The following MCF2L variants were observed in gnomAD, a reference collection of about 807,000 sequenced individuals.
The protein encoded by MCF2L is MCF.2 cell line derived transforming sequence like.
A neutral mutation model predicts 153.4 loss-of-function variants in MCF2L; 97 were observed. The ratio of observed to expected loss-of-function variants is 0.63; its 90% CI spans 0.54 to 0.75. MCF2L has a LOEUF of 0.75. Ranked by LOEUF, MCF2L falls within the 30% of genes least tolerant of loss-of-function variation. The pLI, the probability that MCF2L is intolerant of heterozygous loss-of-function variation, is 0.00. For synonymous variants in MCF2L, 659 were observed against 632.2 expected (o/e 1.04, Z -0.64); for missense variants, 1,347 against 1,495.2 (o/e 0.90, Z 1.64).
In MCF2L at chr13:113,030,305, ACGCCCGG is replaced by A. The variant is rs1566765888; in HGVS notation, c.278+5548_278+5554del. Among the ~76,000 whole-genome samples, 871 of 102,350 alleles carry A rather than the reference ACGCCCGG, an allele frequency of 8.5e-3. 26 individuals are homozygous for A. The highest frequency in any genetic ancestry group is 0.02 in the East Asian group (56 of 2,836). 67.1% of individuals were successfully genotyped at this position (102,350 alleles called of 152,430 possible). A position where few individuals can be genotyped will look rare whatever the true frequency, so the allele number is the denominator to read the frequency against. ...GGTGTGGGCCCTCGGGTGTCCGCCG[ACGCCCGG>A]TGTGGACCCTCAGGTGTCTGCCGAC... On this transcript the variant is annotated intron_variant, in intron 3 of 29. Coordinates refer to ENST00000535094, the MANE Select transcript of MCF2L (RefSeq NM_001112732.3).
chr13:113,089,969 G>A, intron 26 of MCF2L: 7 of 1,597,854 alleles, frequency 4.4e-6, no homozygotes, highest in Non-Finnish European at 6.0e-6. Flanking sequence ...GGCCGAGCGT[G>A]CAACCCGGAG....
At chr13:113,077,825 C>A (rs555360468) in intron 13 of MCF2L, among the ~76,000 whole-genome samples, 2 of 152,348 alleles carry the variant, frequency 1.3e-5, no homozygotes, top group Non-Finnish European at 2.9e-5. Flanking sequence ...ACACACGAAC[C>A]CACCAGGCGA....
In MCF2L at chr13:113,078,745, T is replaced by C. The variant is rs1238244173; in HGVS notation, c.1808+6T>C. ...AGCCTGGCCATCCTGCGCAGGTGGG[T>C]GCGCTGCCCTTCTGTCCTCACAGGG... is the stretch of plus-strand genomic sequence containing the variant. On this transcript the variant is annotated splice_donor_region_variant and intron_variant, in intron 15 of 29. Transcript: ENST00000535094. 1 of 1,593,870 alleles carries C rather than the reference T, an allele frequency of 6.3e-7. No individual in the cohort carries two copies. The highest frequency in any genetic ancestry group is 1.7e-5 in the Admixed American group (1 of 58,548).
intron 21 of MCF2L, among the ~76,000 whole-genome samples, chr13:113,086,622 G>A (rs2034660236): frequency 6.6e-6 from 1 of 152,194 alleles, no homozygotes; most frequent in Non-Finnish European, 1.5e-5. Flanking sequence ...TTTGCAGGCT[G>A]GTGACTTAGA....
chr13:113,002,339 G>A (rs779960097), intron 1 of MCF2L, among the ~76,000 whole-genome samples: 9 of 152,234 alleles, frequency 5.9e-5, no homozygotes, highest in African/African-American at 9.6e-5. Context: ...TCCTTTGTTC[G>A]AGGTTTTTCA....
intron 4 of MCF2L, among the ~76,000 whole-genome samples, chr13:113,048,397 C>A (rs1259613129): frequency 6.6e-6 from 1 of 151,206 alleles, no homozygotes; most frequent in Non-Finnish European, 1.5e-5. Flanking sequence ...CCAGAATTCT[C>A]TCTGAACACC....
chr13:112,972,524 A>G (rs1224546510), intron 1 of MCF2L, among the ~76,000 whole-genome samples: 1 of 148,364 alleles, frequency 6.7e-6, no homozygotes, highest in Non-Finnish European at 1.5e-5. Flanking sequence ...GAGTGGATGG[A>G]TGGATGTGTG....
Position 112,977,466 on chromosome 13 carries a change from A to T in MCF2L, c.79+8008A>T, listed in dbSNP as rs1317507. Among the ~76,000 whole-genome samples the T allele has an allele frequency of 6.6e-5, 10 of 152,200 alleles. No individual in the cohort carries two copies. In the South Asian group the frequency reaches 1.0e-3, roughly 16 times the overall value. The stretch of plus-strand genomic sequence containing the variant: ...GGTCGCTGAAGCCAAAGCTTGTATG[A>T]GCTACATATAAGAAGAAATCAGCAG... On this transcript the variant is annotated intron_variant, in intron 1 of 29. Coordinates refer to ENST00000535094, the MANE Select transcript of MCF2L (RefSeq NM_001112732.3).
chr13:113,087,703 G>A lies in MCF2L; in HGVS notation c.2596-4G>A, dbSNP rs369553306. ...CGAACCCCATCTCCACTCTCTGCTC[G>A]CAGATGGCTGCCGTTGGCATTACGG... On this transcript the variant is annotated splice_region_variant and splice_polypyrimidine_tract_variant and intron_variant, in intron 22 of 29. Coordinates refer to ENST00000535094, the MANE Select transcript of MCF2L (RefSeq NM_001112732.3). 10 of 1,613,236 alleles carry A rather than the reference G, an allele frequency of 6.2e-6. No individual in the cohort carries two copies. The highest frequency in any genetic ancestry group is 2.2e-5 in the East Asian group (1 of 44,888).
chr13:113,020,806 G>C (rs1469486416), intron 2 of MCF2L, among the ~76,000 whole-genome samples: 1 of 149,296 alleles, frequency 6.7e-6, no homozygotes, highest in Admixed American at 6.6e-5. Flanking sequence ...ATGTGTGTAT[G>C]TATAGTGTGT....
At chr13:113,043,390 G>A (rs1402300043) in intron 3 of MCF2L, 4 of 152,266 alleles carry the variant, frequency 2.6e-5, no homozygotes, top group Non-Finnish European at 5.9e-5. Context: ...GGAGGACTGG[G>A]ACCCAGAGAG....
intron 26 of MCF2L, chr13:113,090,196 G>C: frequency 6.7e-7 from 1 of 1,499,910 alleles, no homozygotes; most frequent in Non-Finnish European, 9.0e-7. Flanking sequence ...CACCCTCACC[G>C]TGGTGGCGTC....
In MCF2L at chr13:113,031,477, C is replaced by T. The variant is rs2085718864; in HGVS notation, c.278+6719C>T. Among the ~76,000 whole-genome samples, 1 of 152,072 alleles carries T rather than the reference C, an allele frequency of 6.6e-6. No individual in the cohort carries two copies. Among genetic ancestry groups the T allele is most frequent in the South Asian group, 2.1e-4 (1 of 4,810 alleles). ...GAGTCGGGGGCTGTAGGGACAGAGT[C>T]TGGGAGGTGAGACAGGGTCTGTGGA... On this transcript the variant is annotated intron_variant, in intron 3 of 29. Coordinates refer to ENST00000535094, the MANE Select transcript of MCF2L (RefSeq NM_001112732.3). The surrounding 1 kb of genome is among the most constrained non-coding windows in gnomAD (Gnocchi z 5.5).
intron 4 of MCF2L, among the ~76,000 whole-genome samples, chr13:113,057,589 T>C (rs939204545): frequency 3.4e-5 from 5 of 145,144 alleles, no homozygotes; most frequent in African/African-American, 1.3e-4. Context: ...GAGTGGTGTG[T>C]GTTTGGGTGC....
intron 9 of MCF2L, among the ~76,000 whole-genome samples, chr13:113,073,122 A>AT (rs1333786520): frequency 6.8e-6 from 1 of 146,916 alleles, no homozygotes; most frequent in Non-Finnish European, 1.5e-5. Flanking sequence ...GTGTTCAGAG[A>AT]TTTTCCCGTT....
Position 113,099,566 on chromosome 13 carries a change from G to C in MCF2L, c.*2707G>C, listed in dbSNP as rs147250086. 3.3e-5 allele frequency: 5 copies of C among 152,048 alleles called. No individual in the cohort carries two copies. Among genetic ancestry groups the C allele is most frequent in the Non-Finnish European group, 7.4e-5 (5 of 68,016 alleles). The allele number at this position is 152,048 out of a possible 1,614,324, so 9.4% of individuals were successfully genotyped here. A position where few individuals can be genotyped will look rare whatever the true frequency, so the allele number is the denominator to read the frequency against. On this transcript the variant is annotated 3_prime_UTR_variant, in exon 30 of 30. Coordinates refer to ENST00000535094, the MANE Select transcript of MCF2L (RefSeq NM_001112732.3). ...TTTAAGCCAAAAAAATAAGACTAGC[G>C]TAACCCAAAGAAAGTATTTAAATAC...
intron 1 of MCF2L, among the ~76,000 whole-genome samples, chr13:112,989,366 C>A (rs541724703): frequency 3.6e-4 from 50 of 139,564 alleles, no homozygotes; most frequent in Admixed American, 2.8e-3. Context: ...AGCTACCACG[C>A]CAGAGTCCTC....
chr13:112,908,731 GGTTTTTTTTT>G lies in MCF2L; in HGVS notation c.169+6372_169+6381del, dbSNP rs1316366438. Among the ~76,000 whole-genome samples, 4 of 59,508 alleles carry G rather than the reference GGTTTTTTTTT, an allele frequency of 6.7e-5. No individual in the cohort carries two copies. In the South Asian group the frequency reaches 3.0e-3, roughly 45 times the overall value. 39.0% of individuals were successfully genotyped at this position (59,508 alleles called of 152,430 possible). A position where few individuals can be genotyped will look rare whatever the true frequency, so the allele number is the denominator to read the frequency against. ...AGGCTCATGTTTTTTGTTTTGTTTTGGTTTTTTTTTGTTTTTTTTTGAGACAGAGTCTCAC... is the reference window on the plus strand; with the variant it reads ...AGGCTCATGTTTTTTGTTTTGTTTTGGTTTTTTTTTGAGACAGAGTCTCAC... On this transcript the variant is annotated intron_variant, in intron 2 of 29. Transcript: ENST00000375608.
At position 113,098,180 on chromosome 13, in the gene MCF2L, C is replaced by G. The variant is rs2035786641; in HGVS notation, c.*1321C>G. ...AGCCTCACGGTTCCCAGCCCCAGCA[C>G]AGTGGAGGCAGGCGTGGCTGCATTC... On this transcript the variant is annotated 3_prime_UTR_variant, in exon 30 of 30. Transcript: ENST00000535094. 2 of 152,588 alleles carry G rather than the reference C, an allele frequency of 1.3e-5. No homozygotes were observed. The highest frequency in any genetic ancestry group is 4.8e-5 in the African/African-American group (2 of 41,468). 9.5% of individuals were successfully genotyped at this position (152,588 alleles called of 1,614,324 possible).
Sources: gnomAD v4.1 joint callset for allele counts (sites outside exome capture counted in the v4.1 genomes callset) on GRCh38, gnomAD v4.1.1 for gene constraint, Gnocchi (gnomAD v3.1) non-coding constraint, MANE v1.5 for transcripts, NCBI Gene and HGNC (gene_info 2026-07-23, HGNC 2026-07-21) for gene names.